The following SCLT1 variants were observed in gnomAD, a reference collection of about 807,000 sequenced individuals.
SCLT1 encodes the protein sodium channel-associated protein 1.
SCLT1 carries 78 observed loss-of-function variants against 112.8 expected under a neutral mutation model. The ratio of observed to expected loss-of-function variants is 0.69; its 90% confidence interval spans 0.58 to 0.83. SCLT1 has a LOEUF of 0.83. Ranked by LOEUF, SCLT1 falls within the 40% of genes least tolerant of loss-of-function variation. SCLT1 has a pLI of 0.00. For missense variants in SCLT1, 747 were observed against 770.4 expected (o/e 0.97, Z 0.36); for synonymous variants, 257 against 254.7 (o/e 1.01, Z -0.09).
intron 2 of SCLT1, among the ~76,000 whole-genome samples, chr4:129,049,320 G>A (rs555429963): frequency 5.3e-5 from 8 of 151,884 alleles, no homozygotes; most frequent in Non-Finnish European, 8.8e-5. Flanking sequence ...ATGAGTTCAC[G>A]TCCTTTGTAG....
intron 5 of SCLT1, among the ~76,000 whole-genome samples, chr4:129,024,833 C>T (rs1411870008): frequency 1.3e-5 from 2 of 152,066 alleles, no homozygotes; most frequent in South Asian, 2.1e-4. Context: ...ACTAGAATAA[C>T]CAATACAGAG....
chr4:128,994,177 C>T lies in SCLT1; in HGVS notation c.616-1940G>A, dbSNP rs1742811096. Among the ~76,000 whole-genome samples the T allele has an allele frequency of 2.0e-5, 3 of 152,030 alleles. No homozygotes were observed. The South Asian group carries it at 6.2e-4, about 31-fold the overall frequency. On this transcript the variant is annotated intron_variant, in intron 8 of 20. Transcript: ENST00000281142. ...TCATGTGTGTTGATTAGTAAGTCCCCATTTCTTCTCACCAAAGGCCCTGGA... is the reference window on the plus strand; with the variant it reads ...TCATGTGTGTTGATTAGTAAGTCCCTATTTCTTCTCACCAAAGGCCCTGGA...
At chr4:129,048,897 C>A (rs887864757) in intron 2 of SCLT1, among the ~76,000 whole-genome samples, 5 of 152,010 alleles carry the variant, frequency 3.3e-5, no homozygotes, top group African/African-American at 9.7e-5. Flanking sequence ...CATCACTGGC[C>A]ATCAGAGAAA....
At chr4:129,083,338 C>T (rs1481975468) in intron 1 of SCLT1, among the ~76,000 whole-genome samples, 1 of 149,574 alleles carries the variant, frequency 6.7e-6, no homozygotes, top group Non-Finnish European at 1.5e-5. Context: ...TCACACAGAA[C>T]ATTTAATGTT....
chr4:128,935,730 G>A (rs1737129284), intron 18 of SCLT1, among the ~76,000 whole-genome samples: 1 of 151,632 alleles, frequency 6.6e-6, no homozygotes, highest in African/African-American at 2.4e-5. Context: ...CTCTGGATAT[G>A]CTTTCTCAGT....
intron 2 of SCLT1, among the ~76,000 whole-genome samples, chr4:129,044,530 A>T (rs1335451605): frequency 1.3e-5 from 2 of 152,008 alleles, no homozygotes; most frequent in African/African-American, 2.4e-5. Context: ...AAAAAATCCT[A>T]TTCACTACTA....
At chr4:128,948,407 T>C in intron 15 of SCLT1, 89 bp downstream of exon 15, 5 of 1,437,410 alleles carry the variant, frequency 3.5e-6, no homozygotes, top group Middle Eastern at 1.9e-4. Context: ...AATAAAGGAA[T>C]TGCTAGTAGA....
intron 13 of SCLT1, 38 bp downstream of exon 13, chr4:128,956,988 T>A: frequency 8.4e-7 from 1 of 1,183,530 alleles, no homozygotes; most frequent in South Asian, 1.4e-5. Flanking sequence ...TAGTTGTGAC[T>A]TAAATTCTGA....
Position 129,030,744 on chromosome 4 carries a change from C to A in SCLT1, c.290+8297G>T, listed in dbSNP as rs61700015. On this transcript the variant is annotated intron_variant, in intron 5 of 20. Transcript: ENST00000281142. Reference sequence around the variant, plus strand: ...TACATTCCTGAACACATACACCCTCCCAAGACTAAACCAGGAAGAAGTCGA... The same window carrying A: ...TACATTCCTGAACACATACACCCTCACAAGACTAAACCAGGAAGAAGTCGA... Among the ~76,000 whole-genome samples the A allele has an allele frequency of 3.7e-3, 568 of 152,188 alleles. 1 individual carries two copies. The highest frequency in any genetic ancestry group is 0.011 in the African/African-American group (470 of 41,536).
chr4:128,954,490 TTTTTA>T (rs1430493447), intron 13 of SCLT1, among the ~76,000 whole-genome samples: 1 of 152,034 alleles, frequency 6.6e-6, no homozygotes, highest in Non-Finnish European at 1.5e-5. Flanking sequence ...ATTTTTTGTA[TTTTTA>T]GTAGAGACGG....
downstream of SCLT1, among the ~76,000 whole-genome samples, chr4:128,883,102 T>G (rs1732679773): frequency 7.1e-6 from 1 of 139,914 alleles, no homozygotes; most frequent in East Asian, 2.1e-4. Flanking sequence ...GCCGAGATCA[T>G]GCCTCTGTAC....
At chr4:128,949,411 G>A (rs553324330) in intron 14 of SCLT1, among the ~76,000 whole-genome samples, 71 of 151,622 alleles carry the variant, frequency 4.7e-4, no homozygotes, top group African/African-American at 1.6e-3. Flanking sequence ...TAAGTTTTAG[G>A]GTACATGTGC....
chr4:129,043,155 TCCTGTCTCAG>T (rs546912372), intron 4 of SCLT1, among the ~76,000 whole-genome samples: 95 of 152,000 alleles, frequency 6.3e-4, no homozygotes, highest in Non-Finnish European at 1.1e-3. Context: ...CAAATGATCT[TCCTGTCTCAG>T]CCTCCCAAAG....
At chr4:129,019,626 C>T (rs1181246906) in intron 5 of SCLT1, among the ~76,000 whole-genome samples, 3 of 151,620 alleles carry the variant, frequency 2.0e-5, no homozygotes, top group Non-Finnish European at 2.9e-5. Context: ...CACCCTGCCA[C>T]AGCTGCCGCT....
At chr4:128,932,341 C>A (rs1191189889) in intron 18 of SCLT1, among the ~76,000 whole-genome samples, 1 of 151,936 alleles carries the variant, frequency 6.6e-6, no homozygotes, top group East Asian at 1.9e-4. Flanking sequence ...ATATATTTAA[C>A]CTTATATATT....
At chr4:128,877,599 T>G (rs1732550905) in intron 3 of SCLT1, among the ~76,000 whole-genome samples, 1 of 152,064 alleles carries the variant, frequency 6.6e-6, no homozygotes, top group East Asian at 1.9e-4. Context: ...GAGAACTGCT[T>G]GAACCTGGGA....
intron 18 of SCLT1, among the ~76,000 whole-genome samples, chr4:128,917,003 C>A (rs1735529474): frequency 6.6e-6 from 1 of 152,112 alleles, no homozygotes; most frequent in South Asian, 2.1e-4. Context: ...CCAGAAAAAA[C>A]CAACCAACCA....
intron 1 of SCLT1, among the ~76,000 whole-genome samples, chr4:129,091,299 C>A (rs1354564452): frequency 6.6e-6 from 1 of 151,860 alleles, no homozygotes; most frequent in Non-Finnish European, 1.5e-5. Context: ...TTGAACCATT[C>A]CTTCTTCTGC....
intron 9 of SCLT1, among the ~76,000 whole-genome samples, chr4:128,973,641 C>T (rs1049752735): frequency 2.6e-5 from 4 of 151,890 alleles, no homozygotes; most frequent in Non-Finnish European, 5.9e-5. Flanking sequence ...ATTTTATGAA[C>T]AATTATTCCA....
Sources: gnomAD v4.1 joint callset for allele counts (sites outside exome capture counted in the v4.1 genomes callset) on GRCh38, gnomAD v4.1.1 for gene constraint, MANE v1.5 for transcripts, NCBI Gene and HGNC (gene_info 2026-07-23, HGNC 2026-07-21) for gene names.